Variants in PRKAR2B observed in about 807,000 individuals in gnomAD.
PRKAR2B encodes protein kinase cAMP-dependent type II regulatory subunit beta, also known as cAMP-dependent protein kinase type II-beta regulatory subunit.
PRKAR2B carries 14 observed loss-of-function variants against 49.9 expected under a neutral mutation model. The ratio of observed to expected loss-of-function variants is 0.28; its 90% CI spans 0.19 to 0.44. PRKAR2B has a LOEUF of 0.44. Among genes scored for constraint, PRKAR2B ranks in the 20% least tolerant of loss-of-function variants. PRKAR2B has a pLI of 1.00. For synonymous variants in PRKAR2B, 196 were observed against 197.7 expected, an observed-to-expected ratio of 0.99 and a Z score of 0.07; for missense variants, 393 against 537.9, an observed-to-expected ratio of 0.73 and a Z score of 2.67.
intron 1 of PRKAR2B, among the ~76,000 whole-genome samples, chr7:107,055,073 T>C (rs2116752443): frequency 6.6e-6 from 1 of 152,316 alleles, no homozygotes; most frequent in East Asian, 1.9e-4. Flanking sequence ...TTTGGTTTTT[T>C]GTCCTTGTGA....
chr7:107,124,569 C>T (rs375806361), intron 3 of PRKAR2B, among the ~76,000 whole-genome samples: 3 of 152,212 alleles, frequency 2.0e-5, no homozygotes, highest in Non-Finnish European at 4.4e-5. Context: ...AGGCATGCAC[C>T]ACCACATACC....
intron 2 of PRKAR2B, among the ~76,000 whole-genome samples, chr7:107,084,525 G>T (rs1401500534): frequency 6.6e-6 from 1 of 151,748 alleles, no homozygotes; most frequent in African/African-American, 2.4e-5. Flanking sequence ...GTTTAGTTCG[G>T]TTTATTATTG....
chr7:107,084,018 A>G (rs1187111942), intron 2 of PRKAR2B, among the ~76,000 whole-genome samples: 1 of 152,216 alleles, frequency 6.6e-6, no homozygotes, highest in Non-Finnish European at 1.5e-5. Context: ...ACTATTCTGC[A>G]GGAAATGAAA....
At chr7:107,155,468 C>G (rs989950649) in intron 8 of PRKAR2B, among the ~76,000 whole-genome samples, 1 of 152,146 alleles carries the variant, frequency 6.6e-6, no homozygotes, top group Non-Finnish European at 1.5e-5. Context: ...AATGGTTGAA[C>G]CAATCTACAT....
In PRKAR2B at chr7:107,084,225, GT is replaced by G. The variant is rs1005388421; in HGVS notation, c.343+13915del. Among the ~76,000 whole-genome samples the G allele has an allele frequency of 1.2e-3, 180 of 152,052 alleles. 4 individuals carry two copies. Among genetic ancestry groups the G allele is most frequent in the Admixed American group, 0.012 (178 of 15,250 alleles). On this transcript the variant is annotated intron_variant, in intron 2 of 10. Coordinates refer to ENST00000265717, the MANE Select transcript of PRKAR2B (RefSeq NM_002736.3). ...AATTATTGTGCTTTTTTGGTAACAA[GT>G]TTTTTACATTTTAAAGTTGTTCTTT...
chr7:107,130,651 C>A (rs2115611115), intron 4 of PRKAR2B, among the ~76,000 whole-genome samples: 1 of 152,298 alleles, frequency 6.6e-6, no homozygotes, highest in South Asian at 2.1e-4. Flanking sequence ...TTCATTCAAT[C>A]CACGTTTGCC....
chr7:107,096,332 G>T (rs1361733178), intron 2 of PRKAR2B, among the ~76,000 whole-genome samples: 1 of 152,142 alleles, frequency 6.6e-6, no homozygotes, highest in African/African-American at 2.4e-5. Flanking sequence ...TTGTATTTCT[G>T]TGGGATCGGT....
intron 2 of PRKAR2B, among the ~76,000 whole-genome samples, chr7:107,106,699 A>G (rs979773399): frequency 6.6e-6 from 1 of 152,106 alleles, no homozygotes; most frequent in Admixed American, 6.5e-5. Context: ...TCGGGGGTAT[A>G]GGCTGAGGCT....
chr7:107,159,694 CT>C lies in PRKAR2B; in HGVS notation c.*119del. The C allele has an allele frequency of 1.3e-5, 16 of 1,205,122 alleles. No homozygotes were observed. The highest frequency in any genetic ancestry group is 1.5e-5 in the Non-Finnish European group (13 of 859,692). 74.7% of individuals were successfully genotyped at this position (1,205,122 alleles called of 1,614,324 possible). A position where few individuals can be genotyped will look rare whatever the true frequency, so the allele number is the denominator to read the frequency against. ...ATTTTCTGTGATTTCAGGTTTTTTC[CT>C]TTTTTTACATTTACAACGTATCAAT... On this transcript the variant is annotated 3_prime_UTR_variant, in exon 11 of 11. Transcript: ENST00000265717.
chr7:107,135,103 A>G (rs565330148), intron 4 of PRKAR2B, among the ~76,000 whole-genome samples: 1 of 152,264 alleles, frequency 6.6e-6, no homozygotes, highest in African/African-American at 2.4e-5. Flanking sequence ...TCCAAAATAT[A>G]TAAATAACAC....
chr7:107,109,193 A>T (rs1221320263), intron 2 of PRKAR2B, among the ~76,000 whole-genome samples: 1 of 152,090 alleles, frequency 6.6e-6, no homozygotes, highest in Admixed American at 6.5e-5. Flanking sequence ...ATGCAAATGA[A>T]CTATAATTCC....
At position 107,045,116 on chromosome 7, in the gene PRKAR2B, C is replaced by A; in HGVS notation, c.209C>A (p.Pro70His). ...DLGAAAGGGT[P>H]SKGVNFAEEP... ...GGCGCCGCTGCCGGGGGCGGCACCCCCAGCAAGGGGGTCAACTTCGCCGAG... is the reference window on the plus strand; with the variant it reads ...GGCGCCGCTGCCGGGGGCGGCACCCACAGCAAGGGGGTCAACTTCGCCGAG... The change falls in exon 1 of 11, where the codon CCC becomes CAC. Residue 70 changes from proline to histidine, a missense_variant. Pro to His is a moderately conservative substitution (Grantham distance 77, BLOSUM62 -2). Transcript: ENST00000265717. 1.3e-6 allele frequency: 2 copies of A among 1,524,382 alleles called. No homozygotes were observed. Among genetic ancestry groups the A allele is most frequent in the East Asian group, 2.5e-5 (1 of 40,354 alleles). The allele number at this position is 1,524,382 out of a possible 1,614,324, so 94.4% of individuals were successfully genotyped here.
chr7:107,103,395 A>G (rs1055180407), intron 2 of PRKAR2B, among the ~76,000 whole-genome samples: 2 of 152,228 alleles, frequency 1.3e-5, no homozygotes, highest in African/African-American at 4.8e-5. Context: ...GGGTTCTACC[A>G]GTTTTGCTGC....
At position 107,044,757 on chromosome 7, in the gene PRKAR2B, G is replaced by T. The variant is rs1029898861; in HGVS notation, c.-151G>T. On this transcript the variant is annotated 5_prime_UTR_variant, in exon 1 of 11. Transcript: ENST00000265717. ...AGACGCGCGCCGGGAGCCGCGGGCC[G>T]GGCCAGCCGGGCCGCCGGGGCCCAG... The T allele has an allele frequency of 1.0e-5, 3 of 290,176 alleles. No individual in the cohort carries two copies. The highest frequency in any genetic ancestry group is 4.6e-5 in the African/African-American group (2 of 43,360). 18.0% of individuals were successfully genotyped at this position (290,176 alleles called of 1,614,324 possible). A position where few individuals can be genotyped will look rare whatever the true frequency, so the allele number is the denominator to read the frequency against.
chr7:107,107,301 C>T (rs181678297), intron 2 of PRKAR2B, among the ~76,000 whole-genome samples: 32 of 151,948 alleles, frequency 2.1e-4, no homozygotes, highest in East Asian at 7.8e-4. Context: ...GGCGCCATTG[C>T]GCTCCAGCCT....
At chr7:107,143,915 A>G (rs1456386078) in intron 5 of PRKAR2B, among the ~76,000 whole-genome samples, 1 of 152,180 alleles carries the variant, frequency 6.6e-6, no homozygotes, top group African/African-American at 2.4e-5. Flanking sequence ...TAAAATCTAT[A>G]ACACTTCTGG....
At chr7:107,112,174 T>TAAAAAAAAAA (rs749209141) in intron 2 of PRKAR2B, among the ~76,000 whole-genome samples, 4 of 44,762 alleles carry the variant, frequency 8.9e-5, no homozygotes, top group African/African-American at 4.1e-4. Flanking sequence ...ACTGTGTCTC[T>TAAAAAAAAAA]AAAAAAAAAA....
At chr7:107,133,775 G>GT (rs916551776) in intron 4 of PRKAR2B, 6 of 152,064 alleles carry the variant, frequency 3.9e-5, no homozygotes, top group Admixed American at 2.6e-4. Flanking sequence ...TTTAATTAGA[G>GT]TTTTTTTAGT....
In PRKAR2B at chr7:107,153,256, G is replaced by C. The variant is rs753852690; in HGVS notation, c.918+5G>C. ...GGAGAACAAATCATTGCTCAGGTAT[G>C]ATATTTTGAAATGTAATTCAGTTTA... On this transcript the variant is annotated splice_donor_5th_base_variant and intron_variant, in intron 8 of 10. Transcript: ENST00000265717. 6.3e-7 allele frequency: 1 copy of C among 1,592,298 alleles called. No individual in the cohort carries two copies. Among genetic ancestry groups the C allele is most frequent in the Non-Finnish European group, 8.6e-7 (1 of 1,167,534 alleles).
Sources: allele counts gnomAD v4.1 joint callset (sites outside exome capture counted in the v4.1 genomes callset), GRCh38; gene constraint gnomAD v4.1.1; transcripts MANE v1.5; gene names NCBI Gene and HGNC (gene_info 2026-07-23, HGNC 2026-07-21).